The following GALNT13 variants were observed in gnomAD, a reference collection of about 807,000 sequenced individuals.
GALNT13 encodes the protein UDP-GalNAc:polypeptide N-acetylgalactosaminyltransferase 13.
A neutral mutation model predicts 64.2 loss-of-function variants in GALNT13; 28 were observed. The ratio of observed to expected loss-of-function variants is 0.44; its 90% CI spans 0.32 to 0.60. The LOEUF (loss-of-function observed/expected upper bound fraction) is 0.60. Among genes scored for constraint, GALNT13 ranks in the 20% least tolerant of loss-of-function variants. The pLI, the probability that GALNT13 is intolerant of heterozygous loss-of-function variation, is 0.05. For synonymous variants in GALNT13, 214 were observed against 224.6 expected, an observed-to-expected ratio of 0.95 and a Z score of 0.42; for missense variants, 577 against 669.8, an observed-to-expected ratio of 0.86 and a Z score of 1.53.
At chr2:153,575,292 C>T in the GALNT13 span, among the ~76,000 whole-genome samples, 1 of 152,178 alleles carries the variant, frequency 6.6e-6, no homozygotes, top group Non-Finnish European at 1.5e-5. Context: ...TGGTCTCCAC[C>T]ACTAGGACTG....
chr2:153,169,014 TA>T, the GALNT13 span, among the ~76,000 whole-genome samples: 91,691 of 149,940 alleles, frequency 0.61, 28,232 homozygotes, highest in East Asian at 0.72. Context: ...AACTATAGTT[TA>T]AAAAAAAAAA....
the GALNT13 span, among the ~76,000 whole-genome samples, chr2:153,288,340 C>T: frequency 6.6e-6 from 1 of 152,088 alleles, no homozygotes; most frequent in Non-Finnish European, 1.5e-5. Context: ...CATCGGTAGT[C>T]TTGACTTATC....
the GALNT13 span, among the ~76,000 whole-genome samples, chr2:153,585,607 C>T: frequency 6.6e-6 from 1 of 151,994 alleles, no homozygotes; most frequent in Non-Finnish European, 1.5e-5. Flanking sequence ...ATGTAAAAAA[C>T]GAGTTTGCCG....
chr2:153,752,301 T>G, the GALNT13 span, among the ~76,000 whole-genome samples: 14 of 152,096 alleles, frequency 9.2e-5, no homozygotes, highest in South Asian at 2.1e-4. Context: ...CTGTGTTTTT[T>G]TGTGTGTGTG....
intron 11 of GALNT13, among the ~76,000 whole-genome samples, chr2:154,427,200 G>A (rs1030633656): frequency 1.3e-5 from 2 of 152,140 alleles, no homozygotes; most frequent in African/African-American, 4.8e-5. Flanking sequence ...CTCAGATGAG[G>A]AATCCAACAT....
At chr2:153,463,025 A>G in the GALNT13 span, among the ~76,000 whole-genome samples, 2 of 152,098 alleles carry the variant, frequency 1.3e-5, no homozygotes, top group African/African-American at 4.8e-5. Flanking sequence ...TCCCGAGGAA[A>G]GACATTTCTC....
At chr2:154,107,038 G>C (rs1702657400) in intron 3 of GALNT13, among the ~76,000 whole-genome samples, 1 of 151,826 alleles carries the variant, frequency 6.6e-6, no homozygotes, top group South Asian at 2.1e-4. Flanking sequence ...GTTTTGTTTT[G>C]TTTTTCCATC....
chr2:154,403,052 C>G (rs1171968651), intron 10 of GALNT13, among the ~76,000 whole-genome samples: 1 of 152,090 alleles, frequency 6.6e-6, no homozygotes, highest in Non-Finnish European at 1.5e-5. Context: ...CAGATGCCTA[C>G]AGGGTTGGGC....
chr2:153,131,969 C>T, the GALNT13 span, among the ~76,000 whole-genome samples: 18 of 151,942 alleles, frequency 1.2e-4, no homozygotes, highest in South Asian at 4.2e-4. Context: ...GTAACCTGGA[C>T]GATGGCCACA....
the GALNT13 span, among the ~76,000 whole-genome samples, chr2:153,813,001 G>T: frequency 2.0e-4 from 31 of 152,028 alleles, no homozygotes; most frequent in Non-Finnish European, 3.7e-4. Context: ...TGATCAAAGT[G>T]GTTTCCCCTT....
chr2:153,972,204 C>T (rs982132808), intron 3 of GALNT13, among the ~76,000 whole-genome samples: 1 of 151,946 alleles, frequency 6.6e-6, no homozygotes, highest in African/African-American at 2.4e-5. Context: ...TTTTTGCCAC[C>T]AAGTTTGTGG....
chr2:153,827,710 C>T, the GALNT13 span, among the ~76,000 whole-genome samples: 1 of 151,864 alleles, frequency 6.6e-6, no homozygotes, highest in Non-Finnish European at 1.5e-5. Context: ...CTCATGTCCT[C>T]ACATTTCAAA....
At chr2:153,259,646 G>A in the GALNT13 span, among the ~76,000 whole-genome samples, 2 of 152,064 alleles carry the variant, frequency 1.3e-5, no homozygotes, top group African/African-American at 4.8e-5. Context: ...CAGTTCCCCT[G>A]CACACGGTCT....
chr2:153,960,279 C>T (rs1332502064), intron 3 of GALNT13, among the ~76,000 whole-genome samples: 1 of 152,236 alleles, frequency 6.6e-6, no homozygotes, highest in South Asian at 2.1e-4. Context: ...CCACTGCCAT[C>T]TTCTGTCTTT....
chr2:153,376,614 G>GA, the GALNT13 span, among the ~76,000 whole-genome samples: 1 of 152,064 alleles, frequency 6.6e-6, no homozygotes, highest in Non-Finnish European at 1.5e-5. Context: ...CTGACTGCCA[G>GA]AAAAAAGAAA....
chr2:153,938,781 CAT>C (rs974872888), intron 2 of GALNT13, among the ~76,000 whole-genome samples: 1 of 152,126 alleles, frequency 6.6e-6, no homozygotes, highest in African/African-American at 2.4e-5. Context: ...GGGTACCAGT[CAT>C]ATTAGATTAG....
chr2:154,346,640 A>T (rs775424789), intron 9 of GALNT13, among the ~76,000 whole-genome samples: 37 of 152,120 alleles, frequency 2.4e-4, no homozygotes, highest in Non-Finnish European at 1.8e-4. Flanking sequence ...CTCCCCAGCT[A>T]TGTGGAACTG....
At chr2:153,894,411 G>A (rs952212607) in intron 1 of GALNT13, among the ~76,000 whole-genome samples, 1 of 151,778 alleles carries the variant, frequency 6.6e-6, no homozygotes, top group Non-Finnish European at 1.5e-5. Flanking sequence ...AGTACAGAGA[G>A]GTTATGTTTA....
chr2:153,790,279 T>C, the GALNT13 span, among the ~76,000 whole-genome samples: 1 of 152,168 alleles, frequency 6.6e-6, no homozygotes, highest in Non-Finnish European at 1.5e-5. Context: ...TGGTTCAACA[T>C]ACACAAATCA....
Sources: gnomAD v4.1 joint callset for allele counts (sites outside exome capture counted in the v4.1 genomes callset) on GRCh38, gnomAD v4.1.1 for gene constraint, MANE v1.5 for transcripts, NCBI Gene and HGNC (gene_info 2026-07-23, HGNC 2026-07-21) for gene names.